Variants in CRTC2 observed in about 807,000 individuals in gnomAD.
CRTC2 encodes CREB-regulated transcription coactivator 2.
CRTC2 carries 25 observed loss-of-function variants against 70.9 expected under a neutral mutation model. The ratio of observed to expected loss-of-function variants is 0.35; its 90% CI spans 0.26 to 0.49. The LOEUF (loss-of-function observed/expected upper bound fraction) is 0.49, where lower values mean the gene tolerates loss of function less well. Ranked by LOEUF, CRTC2 falls within the 20% of genes least tolerant of loss-of-function variation. The probability of loss-of-function intolerance (pLI) is 0.98; values close to 1 mark genes in which losing one functional copy is unlikely to be tolerated. For missense variants in CRTC2, 737 were observed against 882.6 expected (o/e 0.83, Z 2.09); for synonymous variants, 330 against 364.1 (o/e 0.91, Z 1.07).
chr1:153,954,880 G>A lies in CRTC2; in HGVS notation c.365C>T (p.Thr122Ile), dbSNP rs1680543181. The A allele has an allele frequency of 2.5e-6, 4 of 1,612,650 alleles. No individual in the cohort carries two copies. The highest frequency in any genetic ancestry group is 1.9e-4 in the Middle Eastern group (1 of 5,146). ...GTCCCCTGTGAAGGATATGTGGCGGGTGTATCGGCGAAGTGGGGACACCAT... is the reference window on the plus strand; with the variant it reads ...GTCCCCTGTGAAGGATATGTGGCGGATGTATCGGCGAAGTGGGGACACCAT... ...RRMVSPLRRYTRHIDSSPYSP... is the reference protein window; with the variant it reads ...RRMVSPLRRYIRHIDSSPYSP... The change falls in exon 3 of 14, where the codon ACC (threonine) becomes ATC (isoleucine). Residue 122 changes from threonine (T) to isoleucine (I), a missense_variant. Around this residue, in one of 3 missense-constraint regions of CRTC2, gnomAD observed 699 missense variants for 823.7 expected, o/e 0.85. Coordinates refer to ENST00000368633, the MANE Select transcript of CRTC2 (RefSeq NM_181715.3).
At chr1:153,951,894 G>A (rs1680342651) in intron 10 of CRTC2, 124 bp downstream of exon 10, 3 of 1,333,960 alleles carry the variant, frequency 2.2e-6, no homozygotes, top group Admixed American at 2.1e-5. Context: ...AGGGAATCCT[G>A]GGGTGCAGAG....
Position 153,947,834 on chromosome 1 carries a change from A to C in CRTC2, c.*275T>G. The C allele has an allele frequency of 2.0e-6, 1 of 498,230 alleles. No homozygotes were observed. Among genetic ancestry groups the C allele is most frequent in the Non-Finnish European group, 3.7e-6 (1 of 273,798 alleles). The allele number at this position is 498,230 out of a possible 1,614,324, so 30.9% of individuals were successfully genotyped here. A position where few individuals can be genotyped will look rare whatever the true frequency, so the allele number is the denominator to read the frequency against. On this transcript the variant is annotated 3_prime_UTR_variant, in exon 14 of 14. Coordinates refer to ENST00000368633, the MANE Select transcript of CRTC2 (RefSeq NM_181715.3). ...AGCCCTGCTTCCAGGGCTCCCCTCT[A>C]CCCCTGCTTTCCAACAGGCTCTGAC...
chr1:153,957,533 C>A (rs1400269741), intron 1 of CRTC2, among the ~76,000 whole-genome samples: 2 of 152,142 alleles, frequency 1.3e-5, no homozygotes, highest in Non-Finnish European at 2.9e-5. Context: ...GGCAGCCTGG[C>A]AGAGGCCTGA....
In CRTC2 at chr1:153,952,066, G is replaced by C. The variant is rs1199354032; in HGVS notation, c.949C>G (p.Leu317Val). ...AGGCCCATGCCCCTGCTGATGCCCA[G>C]GTGAGTCATGGTGTGGGTCAAATTG... Reference protein sequence around the residue: ...TSNLTHTMTHLGISRGMGLGP... With the variant: ...TSNLTHTMTHVGISRGMGLGP... Residue 317 changes from leucine to valine, a missense_variant, in exon 10 of 14, where the codon CTG becomes GTG. Transcript: ENST00000368633. 1.2e-6 allele frequency: 2 copies of C among 1,614,142 alleles called. No homozygotes were observed. Among genetic ancestry groups the C allele is most frequent in the Non-Finnish European group, 1.7e-6 (2 of 1,180,024 alleles).
rs764370887 is a variant in CRTC2 at position 153,949,093 on chromosome 1, A to G, written c.1674+22T>C. ...ACCCTCACCCACTCCCCTGCTTTTGAGCAAGGAGCCTGAGTACTCACATTC... is the reference window on the plus strand; with the variant it reads ...ACCCTCACCCACTCCCCTGCTTTTGGGCAAGGAGCCTGAGTACTCACATTC... On this transcript the variant is annotated intron_variant, in intron 12 of 13. Transcript: ENST00000368633. The G allele has an allele frequency of 5.6e-6, 9 of 1,598,294 alleles. No homozygotes were observed. The South Asian group carries it at 9.0e-5, about 16-fold the overall frequency.
chr1:153,953,660 T>A, intron 4 of CRTC2, 54 bp from the exon 5 acceptor site: 1 of 1,344,564 alleles, frequency 7.4e-7, no homozygotes, highest in Non-Finnish European at 1.0e-6. Context: ...GACAAGAAGG[T>A]GGGCATAGGG....
rs201034038 is a variant in CRTC2 at position 153,949,245 on chromosome 1, C to G, written c.1544G>C (p.Cys515Ser). Residue 515 changes from cysteine (C) to serine (S), a missense_variant, in exon 12 of 14, where the codon TGT (cysteine) becomes TCT (serine). Around this residue, in one of 3 missense-constraint regions of CRTC2, gnomAD observed 699 missense variants for 823.7 expected, o/e 0.85. Coordinates refer to ENST00000368633, the MANE Select transcript of CRTC2 (RefSeq NM_181715.3). Reference sequence around the variant, plus strand: ...CTGCCCACCTGAGGACTGCACTGAACAAGACTGAGAGGGCAGCCCTGGCTG... The same window carrying G: ...CTGCCCACCTGAGGACTGCACTGAAGAAGACTGAGAGGGCAGCCCTGGCTG... The part of the protein sequence containing the change: ...LQQPGLPSQS[C>S]SVQSSGGQPP... The G allele has an allele frequency of 5.8e-5, 93 of 1,614,006 alleles. No homozygotes were observed. Among genetic ancestry groups the G allele is most frequent in the Non-Finnish European group, 5.7e-5 (67 of 1,180,030 alleles).
intron 1 of CRTC2, chr1:153,957,995 A>C (rs1196126981): frequency 8.8e-7 from 1 of 1,135,342 alleles, no homozygotes; most frequent in Admixed American, 4.6e-5. Flanking sequence ...GCCATACCCC[A>C]ATACCAGGCA....
chr1:153,953,840 C>T (rs1398311584), intron 4 of CRTC2, among the ~76,000 whole-genome samples: 1 of 152,164 alleles, frequency 6.6e-6, no homozygotes, highest in Non-Finnish European at 1.5e-5. Flanking sequence ...TCTTGGAGCC[C>T]AGCAGCATTC....
chr1:153,948,103 G>C lies in CRTC2; in HGVS notation c.*6C>G. ...GGCCAAGAAGAGGGATGGTGATGAGGTGCCCTCATTGGAGCCGGTCACTGC... is the reference window on the plus strand; with the variant it reads ...GGCCAAGAAGAGGGATGGTGATGAGCTGCCCTCATTGGAGCCGGTCACTGC... On this transcript the variant is annotated 3_prime_UTR_variant, in exon 14 of 14. Transcript: ENST00000368633. The C allele has an allele frequency of 1.2e-6, 2 of 1,613,826 alleles. No homozygotes were observed. The highest frequency in any genetic ancestry group is 1.7e-6 in the Non-Finnish European group (2 of 1,179,830).
At chr1:153,957,999 C>G (rs1363087573) in intron 1 of CRTC2, 6 of 1,145,946 alleles carry the variant, frequency 5.2e-6, no homozygotes, top group Non-Finnish European at 6.5e-6. Context: ...TACCCCAATA[C>G]CAGGCATGCT....
intron 10 of CRTC2, 173 bp from the exon 11 acceptor site, chr1:153,951,839 G>A: frequency 9.2e-7 from 1 of 1,084,348 alleles, no homozygotes; most frequent in Non-Finnish European, 1.3e-6. Context: ...CTTCTTTCTA[G>A]GAAACACCAC....
chr1:153,953,344 T>C lies in CRTC2; in HGVS notation c.529A>G (p.Thr177Ala). The C allele has an allele frequency of 6.2e-7, 1 of 1,604,256 alleles. No homozygotes were observed. Among genetic ancestry groups the C allele is most frequent in the Non-Finnish European group, 8.5e-7 (1 of 1,176,904 alleles). Residue 177 changes from threonine to alanine, a missense_variant, in exon 6 of 14, where the codon ACA (threonine) becomes GCA (alanine). By Grantham distance (58) the Thr-to-Ala change is moderately conservative (BLOSUM62 0). Transcript: ENST00000368633. ...TGGGGACTGGGGTTCATCACACTTG[T>C]ATGAAGGGCAGAGTCAGAGCTTGTC... ...NRTSSDSALHTSVMNPSPQDT... is the reference protein window; with the variant it reads ...NRTSSDSALHASVMNPSPQDT...
chr1:153,953,845 G>A (rs890607533), intron 4 of CRTC2, among the ~76,000 whole-genome samples: 28 of 152,334 alleles, frequency 1.8e-4, no homozygotes, highest in African/African-American at 6.7e-4. Context: ...GAGCCCAGCA[G>A]CATTCCTGGG....
chr1:153,952,728 C>T, intron 7 of CRTC2, 77 bp downstream of exon 7: 1 of 1,607,374 alleles, frequency 6.2e-7, no homozygotes, highest in Non-Finnish European at 8.5e-7. Context: ...GTCCTGCTCC[C>T]TGAACCTGCA....
intron 11 of CRTC2, among the ~76,000 whole-genome samples, chr1:153,950,930 T>C (rs965645509): frequency 1.3e-5 from 2 of 152,248 alleles, no homozygotes; most frequent in Admixed American, 6.5e-5. Context: ...AAGTATTTTA[T>C]GTATGTTACT....
Position 153,949,118 on chromosome 1 carries a change from C to A in CRTC2, c.1671G>T (p.Gly557=), listed in dbSNP as rs1264324263. The change falls in exon 12 of 14, where the codon GGG becomes GGT. Residue 557 remains glycine (G), a synonymous_variant. Transcript: ENST00000368633. ...YHRPMSDFNL[G]NLEQFSMESP... is the part of the protein sequence containing the mutation. ...AGCAAGGAGCCTGAGTACTCACATT[C>A]CCCAGGTTGAAGTCACTCATTGGCC... The A allele has an allele frequency of 1.9e-6, 3 of 1,605,460 alleles. No homozygotes were observed. Among genetic ancestry groups the A allele is most frequent in the Non-Finnish European group, 2.6e-6 (3 of 1,175,202 alleles).
intron 11 of CRTC2, among the ~76,000 whole-genome samples, chr1:153,949,741 C>T (rs1445216015): frequency 2.0e-5 from 3 of 151,904 alleles, no homozygotes; most frequent in Non-Finnish European, 4.4e-5. Flanking sequence ...CCCAGCTATT[C>T]GGGTGGCTGA....
chr1:153,954,673 G>C (rs1430602794), intron 3 of CRTC2, among the ~76,000 whole-genome samples, 200 bp downstream of exon 3: 1 of 152,216 alleles, frequency 6.6e-6, no homozygotes, highest in Non-Finnish European at 1.5e-5. Flanking sequence ...AGAGACAGGG[G>C]GCACAGCCTC....
Sources: allele counts gnomAD v4.1 joint callset (sites outside exome capture counted in the v4.1 genomes callset), GRCh38; gene constraint gnomAD v4.1.1; regional missense constraint gnomAD v4.1.1; transcripts MANE v1.5; gene names NCBI Gene and HGNC (gene_info 2026-07-23, HGNC 2026-07-21).